The following SPAG16 variants were observed in gnomAD, a reference collection of about 807,000 sequenced individuals.
SPAG16 encodes sperm-associated antigen 16 protein.
SPAG16 carries 86 observed loss-of-function variants against 80.4 expected under a neutral mutation model. That is an observed-to-expected ratio of 1.07 (90% CI 0.90 to 1.28). The LOEUF (loss-of-function observed/expected upper bound fraction) is 1.28, where lower values mean the gene tolerates loss of function less well. SPAG16 is among the 50% of genes most tolerant of loss of function. The pLI is 0.00. For missense variants in SPAG16, 870 were observed against 765.3 expected (o/e 1.14, Z -1.61); for synonymous variants, 294 against 265.9 (o/e 1.11, Z -1.03).
At chr2:213,795,590 C>A (rs1421584202) in intron 10 of SPAG16, among the ~76,000 whole-genome samples, 1 of 152,184 alleles carries the variant, frequency 6.6e-6, no homozygotes, top group African/African-American at 2.4e-5. Flanking sequence ...GGATCTTTGT[C>A]ACCACCTAAA....
In SPAG16 at chr2:213,708,423, C is replaced by T. The variant is rs141227401; in HGVS notation, c.1071-154062C>T. Among the ~76,000 whole-genome samples, 294 of 152,116 alleles carry T rather than the reference C, an allele frequency of 1.9e-3. 2 individuals carry two copies. The highest frequency in any genetic ancestry group is 0.01 in the Middle Eastern group (3 of 294). On this transcript the variant is annotated intron_variant, in intron 10 of 15. Coordinates refer to ENST00000331683, the MANE Select transcript of SPAG16 (RefSeq NM_024532.5). Reference sequence around the variant, plus strand: ...AATATTTTAAAAGTATTGGGGTGGCCGGGCATGGTGGCTCATGCCTGTAAT... The same window carrying T: ...AATATTTTAAAAGTATTGGGGTGGCTGGGCATGGTGGCTCATGCCTGTAAT...
chr2:213,877,603 C>T (rs1199668167), intron 11 of SPAG16, among the ~76,000 whole-genome samples: 1 of 152,206 alleles, frequency 6.6e-6, no homozygotes, highest in Non-Finnish European at 1.5e-5. Context: ...GCATGTGCCA[C>T]CACTCCCATC....
intron 12 of SPAG16, among the ~76,000 whole-genome samples, chr2:213,994,121 T>C (rs1182792765): frequency 1.3e-5 from 2 of 152,216 alleles, no homozygotes; most frequent in South Asian, 4.1e-4. Flanking sequence ...TGTGTGATTT[T>C]TTTTTCAAAC....
chr2:213,641,415 T>G (rs766969205), intron 10 of SPAG16, among the ~76,000 whole-genome samples: 3 of 152,226 alleles, frequency 2.0e-5, no homozygotes, highest in Non-Finnish European at 4.4e-5. Context: ...ACAGCTTCTG[T>G]GCTTATGTCT....
At chr2:213,690,106 A>G (rs1035721916) in intron 10 of SPAG16, among the ~76,000 whole-genome samples, 3 of 152,234 alleles carry the variant, frequency 2.0e-5, no homozygotes, top group South Asian at 2.1e-4. Flanking sequence ...AGTAGGCATG[A>G]TTTTGTCTTA....
chr2:213,391,654 C>T (rs147088398), intron 9 of SPAG16, among the ~76,000 whole-genome samples: 2 of 151,990 alleles, frequency 1.3e-5, no homozygotes, highest in African/African-American at 4.8e-5. Context: ...AATTTTGTTT[C>T]GATAGAAAAG....
intron 15 of SPAG16, among the ~76,000 whole-genome samples, chr2:214,345,731 A>G (rs1698007477): frequency 1.3e-5 from 2 of 152,144 alleles, no homozygotes; most frequent in South Asian, 4.1e-4. Context: ...GGTAACCACT[A>G]TGCTGACTGA....
At chr2:214,122,575 A>G (rs2054272511) in intron 14 of SPAG16, among the ~76,000 whole-genome samples, 1 of 151,932 alleles carries the variant, frequency 6.6e-6, no homozygotes, top group African/African-American at 2.4e-5. Context: ...TGGCCATTTT[A>G]TATAAAGAAA....
intron 15 of SPAG16, among the ~76,000 whole-genome samples, chr2:214,380,697 C>T (rs776317932): frequency 3.3e-5 from 5 of 152,134 alleles, no homozygotes; most frequent in Non-Finnish European, 7.3e-5. Flanking sequence ...ATTCACAAAA[C>T]GTTTTTTCAC....
At chr2:213,530,428 A>G (rs1177179793) in intron 10 of SPAG16, among the ~76,000 whole-genome samples, 1 of 152,200 alleles carries the variant, frequency 6.6e-6, no homozygotes, top group Non-Finnish European at 1.5e-5. Context: ...CATTGACTGA[A>G]ATGTCATTAT....
intron 15 of SPAG16, chr2:214,281,538 T>C (rs1051115153): frequency 6.6e-6 from 1 of 152,406 alleles, no homozygotes; most frequent in Non-Finnish European, 1.5e-5. Flanking sequence ...GAGCAACTGA[T>C]TTCTGATGAA....
intron 10 of SPAG16, among the ~76,000 whole-genome samples, chr2:213,671,929 A>C (rs184022450): frequency 2.0e-5 from 3 of 152,344 alleles, no homozygotes; most frequent in African/African-American, 7.2e-5. Flanking sequence ...CATTGGGTTC[A>C]TTGCTAATCA....
At chr2:214,328,817 A>T (rs570326267) in intron 15 of SPAG16, among the ~76,000 whole-genome samples, 1 of 152,180 alleles carries the variant, frequency 6.6e-6, no homozygotes, top group South Asian at 2.1e-4. Context: ...ATTCATGTAC[A>T]TGTGATAATA....
chr2:213,926,568 C>G lies in SPAG16; in HGVS notation c.1215-3392C>G, dbSNP rs891025723. 2.0e-5 allele frequency among the ~76,000 whole-genome samples: 3 copies of G among 151,900 alleles called. No homozygotes were observed. The East Asian group carries it at 5.8e-4, about 29-fold the overall frequency. On this transcript the variant is annotated intron_variant, in intron 11 of 15. Coordinates refer to ENST00000331683, the MANE Select transcript of SPAG16 (RefSeq NM_024532.5). ...TTGCTGTTTCTCATATGCTATTTAA[C>G]CCATCCATTGATTTCTTAATTTCAA...
chr2:214,116,671 T>G (rs1015026611), intron 14 of SPAG16, among the ~76,000 whole-genome samples: 1 of 152,170 alleles, frequency 6.6e-6, no homozygotes, highest in South Asian at 2.1e-4. Context: ...AGTCTTAGGT[T>G]CCTGCTCAGC....
chr2:213,638,391 T>A (rs1035750839), intron 10 of SPAG16, among the ~76,000 whole-genome samples: 8 of 152,170 alleles, frequency 5.3e-5, no homozygotes, highest in African/African-American at 2.4e-5. Context: ...TGCTACTAAC[T>A]ATTTTCTTAG....
intron 10 of SPAG16, among the ~76,000 whole-genome samples, chr2:213,662,909 C>T (rs969211561): frequency 2.0e-5 from 3 of 151,782 alleles, no homozygotes; most frequent in Non-Finnish European, 1.5e-5. Context: ...CAAAAAAATA[C>T]GATTCAATAT....
chr2:214,111,543 A>G (rs965702094), intron 14 of SPAG16, among the ~76,000 whole-genome samples: 1 of 152,146 alleles, frequency 6.6e-6, no homozygotes, highest in Non-Finnish European at 1.5e-5. Flanking sequence ...GCCTTGTAGT[A>G]TAGTTTGAAG....
At chr2:213,556,710 C>A (rs2059438065) in intron 10 of SPAG16, among the ~76,000 whole-genome samples, 1 of 152,016 alleles carries the variant, frequency 6.6e-6, no homozygotes, top group Non-Finnish European at 1.5e-5. Flanking sequence ...AATAAGGAAA[C>A]ACTGGACTTG....
Sources: allele counts gnomAD v4.1 joint callset (sites outside exome capture counted in the v4.1 genomes callset), GRCh38; gene constraint gnomAD v4.1.1; transcripts MANE v1.5; gene names NCBI Gene and HGNC (gene_info 2026-07-23, HGNC 2026-07-21).